CASZ1: variants seen among roughly 807,000 people sequenced by gnomAD.
The protein encoded by CASZ1 is castor zinc finger 1.
CASZ1 carries 28 observed loss-of-function variants against 135.2 expected under a neutral mutation model. The ratio of observed to expected loss-of-function variants is 0.21; its 90% CI spans 0.15 to 0.28. The LOEUF is 0.28. CASZ1 is among the 10% of genes least tolerant of loss of function. The pLI is 1.00. For synonymous variants in CASZ1, 1,068 were observed against 1,073.4 expected, an observed-to-expected ratio of 0.99 and a Z score of 0.10; for missense variants, 2,161 against 2,453.3, an observed-to-expected ratio of 0.88 and a Z score of 2.52.
Position 10,747,619 on chromosome 1 carries a change from C to T in CASZ1, c.-77+13082G>A, listed in dbSNP as rs72641496. On this transcript the variant is annotated intron_variant, in intron 2 of 20. Transcript: ENST00000377022. The surrounding 1 kb of genome is among the most constrained non-coding windows in gnomAD (Gnocchi z 4.3). ...CAAAGCCCAGCCCATGTGCAAGAAA[C>T]GGGAAAGAACCTGCCTTGTGACATC... 0.013 allele frequency among the ~76,000 whole-genome samples: 1,922 copies of T among 152,210 alleles called. 31 individuals are homozygous for T. The highest frequency in any genetic ancestry group is 0.038 in the South Asian group (181 of 4,822).
rs2124668317 is a variant in CASZ1 at position 10,643,070 on chromosome 1, G to A, written c.4021-70C>T. 21 of 1,593,430 alleles carry A rather than the reference G, an allele frequency of 1.3e-5. No homozygotes were observed. The South Asian group carries it at 1.7e-4, about 13-fold the overall frequency. On this transcript the variant is annotated intron_variant, in intron 19 of 20. Coordinates refer to ENST00000377022, the MANE Select transcript of CASZ1 (RefSeq NM_001079843.3). ...TGCTGCCCACAGAGGGCAGGCTGAG[G>A]CTCCATGCAGCACAGGCCTGAGAGT...
chr1:10,648,088 G>A lies in CASZ1; in HGVS notation c.3210C>T (p.Ala1070=), dbSNP rs1461150867. Residue 1070 remains alanine (A), a synonymous_variant, in exon 16 of 21, where the codon GCC becomes GCT. Coordinates refer to ENST00000377022, the MANE Select transcript of CASZ1 (RefSeq NM_001079843.3). ...TGGTCTCGGCGGCCGAGGCCGGAAA[G>A]GCAGCCTCTGTGTTTCCTTTTGCTG... The part of the protein sequence containing the change: ...GGAAKGNTEA[A]FPASAAETKP... 1.3e-6 allele frequency: 2 copies of A among 1,571,618 alleles called. No individual in the cohort carries two copies. The highest frequency in any genetic ancestry group is 1.9e-5 in the Admixed American group (1 of 52,782).
At chr1:10,692,579 C>T (rs527343588) in intron 4 of CASZ1, among the ~76,000 whole-genome samples, 20 of 152,180 alleles carry the variant, frequency 1.3e-4, no homozygotes, top group East Asian at 3.8e-4. Flanking sequence ...CCTTCCCGGG[C>T]GCAGAGGTCC....
At chr1:10,698,322 A>G (rs1638984155) in intron 3 of CASZ1, among the ~76,000 whole-genome samples, 1 of 152,234 alleles carries the variant, frequency 6.6e-6, no homozygotes, top group East Asian at 1.9e-4. Context: ...AAATCCGATT[A>G]TCCCTAATTC....
intron 1 of CASZ1, among the ~76,000 whole-genome samples, chr1:10,784,339 C>T (rs1007775466): frequency 6.6e-6 from 1 of 152,180 alleles, no homozygotes; most frequent in Admixed American, 6.5e-5. Flanking sequence ...AAGCTTCCAA[C>T]AGAACTTCCT....
chr1:10,648,716 G>T, intron 15 of CASZ1: 1 of 264,656 alleles, frequency 3.8e-6, no homozygotes, highest in South Asian at 9.1e-5. Flanking sequence ...CCTTCAGCTA[G>T]GGTTCCTGCT....
At chr1:10,649,588 G>T in intron 13 of CASZ1, 151 bp from the exon 14 acceptor site, 1 of 876,668 alleles carries the variant, frequency 1.1e-6, no homozygotes, top group Non-Finnish European at 1.7e-6. Flanking sequence ...GGCTCTGGCT[G>T]TGGCTGGGCC....
chr1:10,783,534 T>G (rs1640800690), intron 1 of CASZ1, among the ~76,000 whole-genome samples: 2 of 151,972 alleles, frequency 1.3e-5, no homozygotes, highest in African/African-American at 2.4e-5. Context: ...TGGGAGAGTG[T>G]CCCTAAGAAC....
rs374659263 is a variant in CASZ1 at position 10,733,032 on chromosome 1, C to T, written c.-76-27488G>A. ...TCTGCCTGGGAAAGCCCATGGTCCT[C>T]GGCCCCAGGCTTGGCTCTAGAGCAG... On this transcript the variant is annotated intron_variant, in intron 2 of 20. Transcript: ENST00000377022. 7.2e-5 allele frequency among the ~76,000 whole-genome samples: 11 copies of T among 152,222 alleles called. No individual in the cohort carries two copies. In the East Asian group the frequency reaches 1.2e-3, roughly 16 times the overall value.
chr1:10,690,490 C>T (rs1043046464), intron 4 of CASZ1, among the ~76,000 whole-genome samples: 3 of 152,244 alleles, frequency 2.0e-5, no homozygotes, highest in Non-Finnish European at 2.9e-5. Flanking sequence ...TCTGATCCCA[C>T]GCTTCCTGGC....
In CASZ1 at chr1:10,794,872, G is replaced by C. The variant is rs941581922; in HGVS notation, c.-234+1692C>G. ...GACATTCGCCCAAACGCTCCGCAGC[G>C]GCCCAGCAACCGCCCGCCCGCCCGC... On this transcript the variant is annotated intron_variant, in intron 1 of 20. Coordinates refer to ENST00000377022, the MANE Select transcript of CASZ1 (RefSeq NM_001079843.3). This position sits in a 1 kb window ranked among gnomAD's most constrained non-coding sequence, Gnocchi z 5.6. Among the ~76,000 whole-genome samples the C allele has an allele frequency of 6.6e-6, 1 of 151,366 alleles. No individual in the cohort carries two copies. Among genetic ancestry groups the C allele is most frequent in the African/African-American group, 2.4e-5 (1 of 41,330 alleles).
chr1:10,752,023 G>A (rs1361145866), intron 2 of CASZ1, among the ~76,000 whole-genome samples: 2 of 152,150 alleles, frequency 1.3e-5, no homozygotes, highest in African/African-American at 4.8e-5. Context: ...CTCCAGACTG[G>A]CCCTCCCCTC....
rs1642842384 is a variant in CASZ1 at position 10,657,442 on chromosome 1, A to G, written c.1410-706T>C. On this transcript the variant is annotated intron_variant, in intron 7 of 20. Coordinates refer to ENST00000377022, the MANE Select transcript of CASZ1 (RefSeq NM_001079843.3). This position sits in a 1 kb window ranked among gnomAD's most constrained non-coding sequence, Gnocchi z 5.7. Reference sequence around the variant, plus strand: ...GACTCAGCCCGCCTGTACCCCTCCAAGACTGAAGTGAGATTGCAGGAGACA... The same window carrying G: ...GACTCAGCCCGCCTGTACCCCTCCAGGACTGAAGTGAGATTGCAGGAGACA... Among the ~76,000 whole-genome samples the G allele has an allele frequency of 6.6e-6, 1 of 152,238 alleles. No individual in the cohort carries two copies. The highest frequency in any genetic ancestry group is 2.4e-5 in the African/African-American group (1 of 41,460).
intron 13 of CASZ1, chr1:10,650,430 G>C (rs1418071353): frequency 2.9e-6 from 1 of 347,456 alleles, no homozygotes; most frequent in Non-Finnish European, 5.1e-6. Context: ...AAGGGCTCTG[G>C]AAAAGCTTTT....
At chr1:10,654,731 C>T (rs1642731175) in intron 9 of CASZ1, 140 bp from the exon 10 acceptor site, 3 of 771,162 alleles carry the variant, frequency 3.9e-6, no homozygotes, top group East Asian at 5.0e-5. Flanking sequence ...CTGGAGGCCT[C>T]GGGATGTTGA....
chr1:10,736,875 C>T (rs933252440), intron 2 of CASZ1, among the ~76,000 whole-genome samples: 2 of 152,190 alleles, frequency 1.3e-5, no homozygotes, highest in Admixed American at 6.5e-5. Flanking sequence ...GACTGGCACG[C>T]CTGGGTGGGA....
At chr1:10,674,375 G>A (rs1429182009) in intron 4 of CASZ1, among the ~76,000 whole-genome samples, 3 of 152,254 alleles carry the variant, frequency 2.0e-5, no homozygotes, top group Non-Finnish European at 1.5e-5. Flanking sequence ...ACCAGCCGAC[G>A]CAGACAGTCC....
At chr1:10,691,849 G>C (rs1203831391) in intron 4 of CASZ1, among the ~76,000 whole-genome samples, 1 of 152,202 alleles carries the variant, frequency 6.6e-6, no homozygotes, top group Admixed American at 6.5e-5. Context: ...TCAAAGAAGA[G>C]ACTGAGATGG....
In CASZ1 at chr1:10,653,424, G is replaced by A. The variant is rs1642664516; in HGVS notation, c.2633C>T (p.Ala878Val). The A allele has an allele frequency of 6.2e-7, 1 of 1,613,356 alleles. No homozygotes were observed. The highest frequency in any genetic ancestry group is 8.5e-7 in the Non-Finnish European group (1 of 1,180,014). The part of the protein sequence containing the change: ...ASKGLISPMM[A>V]RLAAAALKPS... The stretch of plus-strand genomic sequence containing the variant: ...CTTGAGGGCAGCTGCAGCCAGCCTG[G>A]CCATCATGGGCGAGATGAGGCCCTT... The change falls in exon 11 of 21, where the codon GCC becomes GTC. Residue 878 changes from alanine to valine, a missense_variant. This residue lies in a region of CASZ1 where 406 missense variants were observed against 387.6 expected (regional missense o/e 1.05). Coordinates refer to ENST00000377022, the MANE Select transcript of CASZ1 (RefSeq NM_001079843.3).
Sources: gnomAD v4.1 joint callset for allele counts (sites outside exome capture counted in the v4.1 genomes callset) on GRCh38, gnomAD v4.1.1 for gene constraint, gnomAD v4.1.1 regional missense constraint, Gnocchi (gnomAD v3.1) non-coding constraint, MANE v1.5 for transcripts, NCBI Gene and HGNC (gene_info 2026-07-23, HGNC 2026-07-21) for gene names.